CDYL2: variants seen among roughly 807,000 people sequenced by gnomAD.
CDYL2 encodes the protein chromodomain Y-like protein 2.
Under a neutral mutation model 49.4 loss-of-function variants are expected in CDYL2, and 23 were observed. The ratio of observed to expected loss-of-function variants is 0.47; its 90% CI spans 0.34 to 0.66. The LOEUF is 0.66. CDYL2 is among the 30% of genes least tolerant of loss of function. The pLI is 0.01. For missense variants in CDYL2, 678 were observed against 656.4 expected, an observed-to-expected ratio of 1.03 and a Z score of -0.36; for synonymous variants, 360 against 268.8, an observed-to-expected ratio of 1.34 and a Z score of -3.32.
intron 1 of CDYL2, among the ~76,000 whole-genome samples, chr16:80,685,698 T>G (rs1162550398): frequency 6.6e-6 from 1 of 152,096 alleles, no homozygotes; most frequent in Non-Finnish European, 1.5e-5. Flanking sequence ...GGACAAAAAC[T>G]CAATGAAGTA....
chr16:80,759,150 A>ATATAGAT (rs1211358459), intron 1 of CDYL2, among the ~76,000 whole-genome samples: 1 of 80,838 alleles, frequency 1.2e-5, no homozygotes, highest in Non-Finnish European at 2.4e-5. Context: ...GGTTTATATA[A>ATATAGAT]ATATATGGTT....
At chr16:80,696,740 C>T (rs1341398262) in intron 1 of CDYL2, among the ~76,000 whole-genome samples, 1 of 150,552 alleles carries the variant, frequency 6.6e-6, no homozygotes, top group Admixed American at 6.6e-5. Context: ...AGCCTCCCAA[C>T]AAAGAAAAGT....
chr16:80,645,569 C>G (rs1211574582), intron 2 of CDYL2, among the ~76,000 whole-genome samples: 2 of 152,134 alleles, frequency 1.3e-5, no homozygotes, highest in African/African-American at 4.8e-5. Context: ...TTGTGGAAGA[C>G]AGTGTGGCGA....
chr16:80,772,274 G>C (rs752144756), intron 1 of CDYL2, among the ~76,000 whole-genome samples: 16 of 152,120 alleles, frequency 1.1e-4, no homozygotes, highest in Non-Finnish European at 1.3e-4. Flanking sequence ...CATGGAGAGG[G>C]AAGTAAAGAC....
In CDYL2 at chr16:80,617,724, G is replaced by A. The variant is rs771577361; in HGVS notation, c.1007+3039C>T. Among the ~76,000 whole-genome samples the A allele has an allele frequency of 3.9e-5, 6 of 152,204 alleles. No individual in the cohort carries two copies. In the East Asian group the frequency reaches 9.7e-4, roughly 25 times the overall value. ...GCACTTCCATCCATCTTCGCTCATC[G>A]TCCTCACCTTTCTCATGCCTGTATC... On this transcript the variant is annotated intron_variant, in intron 4 of 6. Transcript: ENST00000570137.
intron 1 of CDYL2, among the ~76,000 whole-genome samples, chr16:80,751,401 T>C (rs1387621736): frequency 6.6e-6 from 1 of 152,196 alleles, no homozygotes; most frequent in Non-Finnish European, 1.5e-5. Context: ...TTGCCAGCTC[T>C]TGAGCAGTAT....
At chr16:80,764,433 G>C (rs1392742759) in intron 1 of CDYL2, among the ~76,000 whole-genome samples, 1 of 151,978 alleles carries the variant, frequency 6.6e-6, no homozygotes, top group Non-Finnish European at 1.5e-5. Context: ...TTAAATTTTA[G>C]GACTGATGCT....
At chr16:80,781,627 T>C (rs1451798144) in intron 1 of CDYL2, among the ~76,000 whole-genome samples, 3 of 152,148 alleles carry the variant, frequency 2.0e-5, no homozygotes. Flanking sequence ...ATAGACTACA[T>C]GTTGGGCCAC....
At chr16:80,628,341 A>G (rs1907395249) in intron 3 of CDYL2, 1 of 152,278 alleles carries the variant, frequency 6.6e-6, no homozygotes, top group African/African-American at 2.4e-5. Context: ...GGAGGAGAAT[A>G]GGTGACAAAA....
At chr16:80,703,988 G>C (rs1000059517) in intron 1 of CDYL2, among the ~76,000 whole-genome samples, 5 of 152,202 alleles carry the variant, frequency 3.3e-5, no homozygotes, top group African/African-American at 1.2e-4. Flanking sequence ...GCCAACAATT[G>C]AGTTACAGGA....
At chr16:80,735,667 C>T (rs1314080953) in intron 1 of CDYL2, among the ~76,000 whole-genome samples, 1 of 152,288 alleles carries the variant, frequency 6.6e-6, no homozygotes, top group East Asian at 1.9e-4. Context: ...TCTAGAAAAG[C>T]TCCGGGAAGT....
At chr16:80,653,949 T>G (rs1014974707) in intron 2 of CDYL2, among the ~76,000 whole-genome samples, 9 of 152,246 alleles carry the variant, frequency 5.9e-5, no homozygotes, top group African/African-American at 1.9e-4. Context: ...CAGGAGTCAC[T>G]GTGGTGTCGA....
At chr16:80,702,217 C>CAA (rs1555531311) in intron 1 of CDYL2, among the ~76,000 whole-genome samples, 1 of 150,558 alleles carries the variant, frequency 6.6e-6, no homozygotes, top group Non-Finnish European at 1.5e-5. Flanking sequence ...CACACACACA[C>CAA]AAAACTATAA....
At chr16:80,722,927 G>C (rs1905046871) in intron 1 of CDYL2, among the ~76,000 whole-genome samples, 1 of 152,242 alleles carries the variant, frequency 6.6e-6, no homozygotes, top group African/African-American at 2.4e-5. Flanking sequence ...CCATAGAAGA[G>C]AAGACTCGGG....
intron 1 of CDYL2, among the ~76,000 whole-genome samples, chr16:80,802,153 G>C (rs376603429): frequency 6.4e-4 from 98 of 152,234 alleles, no homozygotes; most frequent in African/African-American, 2.3e-3. Flanking sequence ...GTTAAGGAGG[G>C]CAGTTGCAGA....
chr16:80,743,402 T>C (rs1356374388), intron 1 of CDYL2, among the ~76,000 whole-genome samples: 1 of 152,222 alleles, frequency 6.6e-6, no homozygotes, highest in Non-Finnish European at 1.5e-5. Context: ...ATTTGCAGTC[T>C]AAATCTCAAG....
At chr16:80,699,626 A>C (rs1430028969) in intron 1 of CDYL2, among the ~76,000 whole-genome samples, 2 of 152,232 alleles carry the variant, frequency 1.3e-5, no homozygotes, top group Non-Finnish European at 1.5e-5. Context: ...ATAGTTAACA[A>C]AATTTTATTG....
upstream of CDYL2, among the ~76,000 whole-genome samples, chr16:80,805,024 C>T (rs997694746): frequency 6.6e-6 from 1 of 152,172 alleles, no homozygotes; most frequent in Non-Finnish European, 1.5e-5. Context: ...GATGAAATGG[C>T]CCATCCAGAG....
intron 1 of CDYL2, among the ~76,000 whole-genome samples, chr16:80,688,930 A>T (rs565544963): frequency 6.6e-6 from 1 of 152,282 alleles, no homozygotes; most frequent in East Asian, 1.9e-4. Flanking sequence ...CAAAAAACAG[A>T]GAGCTGGTAC....
Sources: allele counts gnomAD v4.1 joint callset (sites outside exome capture counted in the v4.1 genomes callset), GRCh38; gene constraint gnomAD v4.1.1; transcripts MANE v1.5; gene names NCBI Gene and HGNC (gene_info 2026-07-23, HGNC 2026-07-21).